Variants in KHDRBS2 observed in about 807,000 individuals in gnomAD.
KHDRBS2 encodes KH RNA binding domain containing, signal transduction associated 2, also known as KH domain-containing, RNA-binding, signal transduction-associated protein 2.
A neutral mutation model predicts 44.3 loss-of-function variants in KHDRBS2; 26 were observed. The ratio of observed to expected loss-of-function variants is 0.59; its 90% CI spans 0.43 to 0.81. The LOEUF (loss-of-function observed/expected upper bound fraction) is 0.81, where lower values mean the gene tolerates loss of function less well. Ranked by LOEUF, KHDRBS2 falls within the 40% of genes least tolerant of loss-of-function variation. KHDRBS2 has a pLI of 0.00. For missense variants in KHDRBS2, 476 were observed against 433.1 expected (o/e 1.10, Z -0.88); for synonymous variants, 194 against 151.1 (o/e 1.28, Z -2.08).
At chr6:62,076,145 C>T (rs921384339) in intron 2 of KHDRBS2, among the ~76,000 whole-genome samples, 1 of 151,708 alleles carries the variant, frequency 6.6e-6, no homozygotes, top group South Asian at 2.1e-4. Flanking sequence ...CCTAGCATAG[C>T]GCAAACTGAT....
the KHDRBS2 span, among the ~76,000 whole-genome samples, chr6:61,665,653 T>C: frequency 1.3e-5 from 2 of 151,278 alleles, no homozygotes; most frequent in African/African-American, 4.8e-5. Flanking sequence ...TATTCATTTA[T>C]GTAAGTAAGT....
the KHDRBS2 span, among the ~76,000 whole-genome samples, chr6:61,546,964 G>A: frequency 6.6e-6 from 1 of 152,052 alleles, no homozygotes; most frequent in Non-Finnish European, 1.5e-5. Flanking sequence ...AGGCAACTCA[G>A]GGTGCAAGGT....
At chr6:62,267,872 T>C (rs1362926106) in intron 1 of KHDRBS2, among the ~76,000 whole-genome samples, 3 of 152,174 alleles carry the variant, frequency 2.0e-5, no homozygotes, top group East Asian at 3.9e-4. Flanking sequence ...TTCAAAATTG[T>C]TTTGCTTTAA....
intron 4 of KHDRBS2, among the ~76,000 whole-genome samples, chr6:61,913,860 T>C (rs1302021702): frequency 1.3e-5 from 2 of 152,110 alleles, no homozygotes; most frequent in African/African-American, 2.4e-5. Context: ...GAGCTGAGCA[T>C]CTTTGAGGAA....
rs569496927 is a variant in KHDRBS2 at position 61,990,619 on chromosome 6, A to C, written c.337-12407T>G. ...TGAATTTAGAAATAAGAAGAATAAC[A>C]TCTTCTGAACAGCAAGCTCTGTGCT... is the stretch of plus-strand genomic sequence containing the variant. On this transcript the variant is annotated intron_variant, in intron 3 of 8. Transcript: ENST00000281156. Among the ~76,000 whole-genome samples, 13 of 152,232 alleles carry C rather than the reference A, an allele frequency of 8.5e-5. No individual in the cohort carries two copies. The South Asian group carries it at 2.7e-3, about 32-fold the overall frequency.
In KHDRBS2 at chr6:62,185,215, T is replaced by C. The variant is rs116627301; in HGVS notation, c.92-7903A>G. ...TAACCTCTTAGCAGGAAGTTTATTT[T>C]ACCCATCGTTATAGCCTCGGTTATT... On this transcript the variant is annotated intron_variant, in intron 1 of 8. Coordinates refer to ENST00000281156, the MANE Select transcript of KHDRBS2 (RefSeq NM_152688.4). 2.5e-3 allele frequency among the ~76,000 whole-genome samples: 379 copies of C among 152,090 alleles called. 3 individuals are homozygous for C. The highest frequency in any genetic ancestry group is 8.3e-3 in the African/African-American group (347 of 41,568).
At chr6:62,029,456 A>C (rs1330003208) in intron 3 of KHDRBS2, among the ~76,000 whole-genome samples, 1 of 151,960 alleles carries the variant, frequency 6.6e-6, no homozygotes, top group Non-Finnish European at 1.5e-5. Context: ...AGAATAAGCT[A>C]AATCTAGCAT....
At chr6:62,123,678 G>A (rs1235397173) in intron 2 of KHDRBS2, among the ~76,000 whole-genome samples, 1 of 152,092 alleles carries the variant, frequency 6.6e-6, no homozygotes, top group Non-Finnish European at 1.5e-5. Flanking sequence ...ATTTTTCAGA[G>A]AGCATTAGGC....
chr6:62,013,983 G>C (rs1303183680), intron 3 of KHDRBS2, among the ~76,000 whole-genome samples: 1 of 152,304 alleles, frequency 6.6e-6, no homozygotes, highest in South Asian at 2.1e-4. Context: ...TTACAAAGCA[G>C]TTATGTGTGA....
At chr6:62,245,353 T>C (rs890547770) in intron 1 of KHDRBS2, among the ~76,000 whole-genome samples, 1 of 152,028 alleles carries the variant, frequency 6.6e-6, no homozygotes, top group African/African-American at 2.4e-5. Flanking sequence ...GCAAAGAAAA[T>C]CCTGGCTTCA....
chr6:62,153,435 G>T (rs1472703066), intron 2 of KHDRBS2, among the ~76,000 whole-genome samples: 8 of 152,050 alleles, frequency 5.3e-5, no homozygotes, highest in Admixed American at 1.3e-4. Flanking sequence ...ATTGTACTGC[G>T]ATTCATATTA....
chr6:62,151,767 A>G lies in KHDRBS2; in HGVS notation c.219+25418T>C, dbSNP rs529429660. 3.9e-5 allele frequency among the ~76,000 whole-genome samples: 6 copies of G among 152,334 alleles called. No individual in the cohort carries two copies. In the South Asian group the frequency reaches 6.2e-4, roughly 16 times the overall value. On this transcript the variant is annotated intron_variant, in intron 2 of 8. Transcript: ENST00000281156. ...TGCAACATAACTGAAAACTGTCAGT[A>G]GATTGTCCTAGCAAAGAAGTAGCAC...
At chr6:62,039,430 A>G (rs1786004575) in intron 3 of KHDRBS2, among the ~76,000 whole-genome samples, 1 of 151,946 alleles carries the variant, frequency 6.6e-6, no homozygotes, top group Non-Finnish European at 1.5e-5. Context: ...ATTATCTGCT[A>G]AATAATATGT....
chr6:61,667,320 T>G, the KHDRBS2 span, among the ~76,000 whole-genome samples: 1 of 151,172 alleles, frequency 6.6e-6, no homozygotes, highest in South Asian at 2.1e-4. Context: ...TAAATTAGAA[T>G]GTTTCCATTT....
At chr6:61,955,148 G>T (rs557628647) in intron 4 of KHDRBS2, among the ~76,000 whole-genome samples, 1 of 140,742 alleles carries the variant, frequency 7.1e-6, no homozygotes, top group South Asian at 2.2e-4. Context: ...ATACACATAC[G>T]TGTGTATGTA....
chr6:62,009,144 T>C (rs1779820133), intron 3 of KHDRBS2, among the ~76,000 whole-genome samples: 1 of 152,144 alleles, frequency 6.6e-6, no homozygotes. Context: ...GATAAAAATA[T>C]GGACAATGAA....
At chr6:61,622,727 C>A in the KHDRBS2 span, among the ~76,000 whole-genome samples, 2 of 151,934 alleles carry the variant, frequency 1.3e-5, no homozygotes, top group East Asian at 3.9e-4. Context: ...GGCTGTAAGA[C>A]CCGAAAACCA....
At chr6:61,581,068 C>T in the KHDRBS2 span, among the ~76,000 whole-genome samples, 1 of 152,162 alleles carries the variant, frequency 6.6e-6, no homozygotes, top group Non-Finnish European at 1.5e-5. Flanking sequence ...GAAGGGACAT[C>T]AAGCATTTAG....
At chr6:62,220,017 TAAA>T (rs1244241875) in intron 1 of KHDRBS2, among the ~76,000 whole-genome samples, 2 of 150,040 alleles carry the variant, frequency 1.3e-5, no homozygotes, top group African/African-American at 4.9e-5. Context: ...TTTTTAAAAA[TAAA>T]AAAGACAAAG....
Sources: allele counts gnomAD v4.1 joint callset (sites outside exome capture counted in the v4.1 genomes callset), GRCh38; gene constraint gnomAD v4.1.1; transcripts MANE v1.5; gene names NCBI Gene and HGNC (gene_info 2026-07-23, HGNC 2026-07-21).